CNBD1: variants seen among roughly 807,000 people sequenced by gnomAD.
CNBD1 encodes cyclic nucleotide binding domain containing 1, also known as cyclic nucleotide-binding domain-containing protein 1.
A neutral mutation model predicts 54.4 loss-of-function variants in CNBD1; 71 were observed. The ratio of observed to expected loss-of-function variants is 1.30; its 90% CI spans 1.08 to 1.59. The LOEUF is 1.59. Ranked by LOEUF, CNBD1 falls within the 40% of genes most tolerant of loss-of-function variation. The pLI is 0.00. For missense variants in CNBD1, 659 were observed against 518.0 expected, an observed-to-expected ratio of 1.27 and a Z score of -2.64; for synonymous variants, 182 against 170.7, an observed-to-expected ratio of 1.07 and a Z score of -0.51.
At chr8:87,035,790 A>G (rs1054458365) in intron 4 of CNBD1, among the ~76,000 whole-genome samples, 3 of 152,134 alleles carry the variant, frequency 2.0e-5, no homozygotes, top group Non-Finnish European at 4.4e-5. Flanking sequence ...GCCCGGCTCC[A>G]TGGAGTTCTC....
intron 2 of CNBD1, among the ~76,000 whole-genome samples, chr8:87,423,566 G>A (rs1472094872): frequency 6.7e-6 from 1 of 149,970 alleles, no homozygotes; most frequent in Admixed American, 6.6e-5. Context: ...CTGTTTATAT[G>A]CTGGATTACA....
intron 8 of CNBD1, among the ~76,000 whole-genome samples, chr8:87,314,392 A>T (rs559819839): frequency 1.1e-3 from 173 of 151,998 alleles, no homozygotes; most frequent in African/African-American, 3.8e-3. Flanking sequence ...ATGGCAGCTA[A>T]AAAGGATTTG....
intron 4 of CNBD1, among the ~76,000 whole-genome samples, chr8:87,042,713 T>C (rs1810097883): frequency 6.6e-6 from 1 of 152,096 alleles, no homozygotes; most frequent in Non-Finnish European, 1.5e-5. Context: ...AAGTAGATAA[T>C]TGGTTATATG....
intron 10 of CNBD1, among the ~76,000 whole-genome samples, chr8:87,354,098 C>T (rs1810368616): frequency 6.6e-6 from 1 of 152,108 alleles, no homozygotes; most frequent in South Asian, 2.1e-4. Context: ...CCACCCTGAA[C>T]TGAAGTTGGA....
At chr8:87,305,170 A>C (rs1809115794) in intron 8 of CNBD1, among the ~76,000 whole-genome samples, 1 of 152,128 alleles carries the variant, frequency 6.6e-6, no homozygotes, top group South Asian at 2.1e-4. Flanking sequence ...CTGCAAAAAA[A>C]GAAAAAATAC....
At chr8:87,357,231 C>A (rs1810437139) in intron 10 of CNBD1, among the ~76,000 whole-genome samples, 1 of 152,152 alleles carries the variant, frequency 6.6e-6, no homozygotes, top group African/African-American at 2.4e-5. Context: ...CACACAAAGT[C>A]CCCATTGGGG....
chr8:87,283,499 C>A (rs548861589), intron 6 of CNBD1, among the ~76,000 whole-genome samples: 1 of 152,088 alleles, frequency 6.6e-6, no homozygotes, highest in South Asian at 2.1e-4. Flanking sequence ...TTCCTGGATC[C>A]TAGGAGTTTT....
intron 8 of CNBD1, among the ~76,000 whole-genome samples, chr8:87,343,661 G>C (rs1166638052): frequency 6.6e-6 from 1 of 152,152 alleles, no homozygotes; most frequent in East Asian, 1.9e-4. Flanking sequence ...ATACTATAAA[G>C]TTAGTGGAAC....
chr8:87,326,222 T>A (rs1207521737), intron 8 of CNBD1, among the ~76,000 whole-genome samples: 1 of 123,568 alleles, frequency 8.1e-6, no homozygotes, highest in Admixed American at 7.9e-5. Flanking sequence ...CCTTTCTCTC[T>A]GGCTGCCCTT....
chr8:87,102,230 A>G (rs1811443604), intron 4 of CNBD1, among the ~76,000 whole-genome samples: 1 of 152,062 alleles, frequency 6.6e-6, no homozygotes, highest in Admixed American at 6.6e-5. Flanking sequence ...GGTGAGAGTA[A>G]ACTTGGTGTA....
At chr8:87,347,675 T>C (rs1016870744) in intron 8 of CNBD1, among the ~76,000 whole-genome samples, 5 of 152,138 alleles carry the variant, frequency 3.3e-5, no homozygotes, top group African/African-American at 9.7e-5. Context: ...GGTAAATGTA[T>C]GGTTTAATTG....
chr8:87,055,220 C>T (rs1433332163), intron 4 of CNBD1, among the ~76,000 whole-genome samples: 3 of 152,180 alleles, frequency 2.0e-5, no homozygotes, highest in Non-Finnish European at 2.9e-5. Flanking sequence ...CTCTCCACAG[C>T]AGAGAGGGGT....
At chr8:87,271,609 A>C (rs1253893963) in intron 6 of CNBD1, among the ~76,000 whole-genome samples, 1 of 151,936 alleles carries the variant, frequency 6.6e-6, no homozygotes, top group African/African-American at 2.4e-5. Context: ...AGAATAACAG[A>C]CGCTGTTGAG....
intron 5 of CNBD1, among the ~76,000 whole-genome samples, chr8:87,218,662 G>T (rs565451898): frequency 6.6e-6 from 1 of 151,894 alleles, no homozygotes; most frequent in Admixed American, 6.6e-5. Context: ...CCTCTTATAT[G>T]TTGGCTATTA....
At chr8:87,205,013 T>C (rs1406472172) in intron 4 of CNBD1, among the ~76,000 whole-genome samples, 1 of 152,048 alleles carries the variant, frequency 6.6e-6, no homozygotes, top group Non-Finnish European at 1.5e-5. Context: ...TATCATTCTA[T>C]AAACACACAC....
At chr8:87,374,510 G>A (rs539381200) in intron 10 of CNBD1, among the ~76,000 whole-genome samples, 1 of 151,742 alleles carries the variant, frequency 6.6e-6, no homozygotes, top group Non-Finnish European at 1.5e-5. Flanking sequence ...TACATACCCA[G>A]TTGGGTTCTA....
At position 87,092,600 on chromosome 8, in the gene CNBD1, CCTAT is replaced by C. The variant is rs539342369; in HGVS notation, c.432-113388_432-113385del. On this transcript the variant is annotated intron_variant, in intron 4 of 10. Coordinates refer to ENST00000518476, the MANE Select transcript of CNBD1 (RefSeq NM_173538.3). Reference sequence around the variant, plus strand: ...GTATATATATATGTATTTCCCCTCTCCTATCTATTTTGCTGTTCATTTTTATCTT... The same window carrying C: ...GTATATATATATGTATTTCCCCTCTCCTATTTTGCTGTTCATTTTTATCTT... 2.0e-3 allele frequency among the ~76,000 whole-genome samples: 296 copies of C among 150,892 alleles called. 2 individuals carry two copies. The highest frequency in any genetic ancestry group is 6.5e-3 in the African/African-American group (267 of 40,786).
At chr8:87,316,989 C>T (rs1335079085) in intron 8 of CNBD1, among the ~76,000 whole-genome samples, 1 of 151,504 alleles carries the variant, frequency 6.6e-6, no homozygotes, top group Non-Finnish European at 1.5e-5. Context: ...ATTTGTGAGG[C>T]CTTAGATGAA....
chr8:87,181,832 T>C (rs1813354430), intron 4 of CNBD1, among the ~76,000 whole-genome samples: 1 of 152,194 alleles, frequency 6.6e-6, no homozygotes, highest in Non-Finnish European at 1.5e-5. Flanking sequence ...CTTTCTAATA[T>C]AGGCATTTTG....
Sources: gnomAD v4.1 joint callset for allele counts (sites outside exome capture counted in the v4.1 genomes callset) on GRCh38, gnomAD v4.1.1 for gene constraint, MANE v1.5 for transcripts, NCBI Gene and HGNC (gene_info 2026-07-23, HGNC 2026-07-21) for gene names.